Variants in PPFIA3 observed in about 807,000 individuals in gnomAD.
PPFIA3 encodes liprin-alpha-3.
Under a neutral mutation model 145.8 loss-of-function variants are expected in PPFIA3, and 26 were observed. The observed-to-expected ratio is 0.18, with a 90% CI of 0.13 to 0.25. PPFIA3 has a LOEUF of 0.25. Among genes scored for constraint, PPFIA3 ranks in the 10% least tolerant of loss-of-function variants. The pLI, the probability that PPFIA3 is intolerant of heterozygous loss-of-function variation, is 1.00. For missense variants in PPFIA3, 1,008 were observed against 1,587.8 expected (o/e 0.63, Z 6.21); for synonymous variants, 645 against 661.4 (o/e 0.98, Z 0.38).
Position 49,135,899 on chromosome 19 carries a change from A to C in PPFIA3, c.1641A>C (p.Ser547=). The C allele has an allele frequency of 6.2e-7, 1 of 1,613,022 alleles. No individual in the cohort carries two copies. The change falls in exon 14 of 30, where the codon TCA becomes TCC. Residue 547 remains serine (S), a synonymous_variant. Coordinates refer to ENST00000334186, the MANE Select transcript of PPFIA3 (RefSeq NM_003660.4). ...GGGCAGGCAAGAGGGGCCGCTGGTC[A>C]GGGGTCAAGGAGGAGCCCTCCAAGG... ...SGRAGKRGRW[S]GVKEEPSKDW...
rs2041024071 is a variant in PPFIA3, at chr19:49,128,060, C to G, written c.187C>G (p.Leu63Val). 1.3e-6 allele frequency: 2 copies of G among 1,593,886 alleles called. No homozygotes were observed. Among genetic ancestry groups the G allele is most frequent in the South Asian group, 2.2e-5 (2 of 90,778 alleles). Residue 63 changes from leucine (L) to valine (V), a missense_variant, in exon 2 of 30, where the codon CTC becomes GTC. Transcript: ENST00000334186. This position sits in a 1 kb window ranked among gnomAD's most constrained non-coding sequence, Gnocchi z 4.1. Reference protein sequence around the residue: ...LATAQLRLRELGHEKDSLQRQ... With the variant: ...LATAQLRLREVGHEKDSLQRQ... ...TACAGCGCAGCTGCGGCTGCGCGAG[C>G]TCGGCCACGAGAAGGACTCGCTGCA...
At chr19:49,147,747 TGTATA>T (rs2041298139) in intron 23 of PPFIA3, among the ~76,000 whole-genome samples, 1 of 21,524 alleles carries the variant, frequency 4.6e-5, no homozygotes, top group Non-Finnish European at 9.4e-5. Context: ...ATAAATATAA[TGTATA>T]TTTCGAATCA....
intron 1 of PPFIA3, among the ~76,000 whole-genome samples, chr19:49,122,636 T>C (rs2040949388): frequency 6.6e-6 from 1 of 152,136 alleles, no homozygotes; most frequent in African/African-American, 2.4e-5. Context: ...AGAATGCCCT[T>C]CCCTGTTTCC....
intron 18 of PPFIA3, 62 bp downstream of exon 18, chr19:49,140,150 TTTC>T: frequency 6.4e-7 from 1 of 1,554,380 alleles, no homozygotes; most frequent in Non-Finnish European, 8.8e-7. Context: ...CCTCCCTTTC[TTTC>T]TTCTTTGTAT....
rs1039959973 is a variant in PPFIA3, at chr19:49,135,195, C to A, written c.1520+280C>A. On this transcript the variant is annotated intron_variant, in intron 13 of 29. Transcript: ENST00000334186. Reference sequence around the variant, plus strand: ...TAGCTGGGACTACAGGCGTGCACCACCACAGCCGGCTAATTTTTGTAGTTT... The same window carrying A: ...TAGCTGGGACTACAGGCGTGCACCAACACAGCCGGCTAATTTTTGTAGTTT... 3.9e-5 allele frequency among the ~76,000 whole-genome samples: 6 copies of A among 152,072 alleles called. No individual in the cohort carries two copies. The South Asian group carries it at 1.2e-3, about 32-fold the overall frequency.
chr19:49,137,411 A>G (rs1002090230), intron 15 of PPFIA3, among the ~76,000 whole-genome samples: 2 of 152,012 alleles, frequency 1.3e-5, no homozygotes, highest in Non-Finnish European at 2.9e-5. Context: ...TCATGAGGTC[A>G]TGAGGTCAGG....
intron 1 of PPFIA3, among the ~76,000 whole-genome samples, chr19:49,123,436 T>G (rs1249515602): frequency 6.6e-6 from 1 of 151,902 alleles, no homozygotes; most frequent in Non-Finnish European, 1.5e-5. Context: ...TGCCTGGCCC[T>G]AATTTCACAT....
intron 14 of PPFIA3, among the ~76,000 whole-genome samples, 163 bp from the exon 15 acceptor site, chr19:49,136,561 A>G (rs773814632): frequency 1.3e-5 from 2 of 152,228 alleles, no homozygotes; most frequent in African/African-American, 2.4e-5. Context: ...CCTGGGCGAC[A>G]GAATGAGACT....
At position 49,121,548 on chromosome 19, in the gene PPFIA3, G is replaced by A. The variant is rs369106853; in HGVS notation, c.-16+1826G>A. On this transcript the variant is annotated intron_variant, in intron 1 of 29. Transcript: ENST00000334186. ...TCCCAGCACTTTGGGAGGCTGAAGC[G>A]GGCGGATCACCTGAGGTCAGGATTT... Among the ~76,000 whole-genome samples, 22 of 152,082 alleles carry A rather than the reference G, an allele frequency of 1.4e-4. No individual in the cohort carries two copies. In the East Asian group the frequency reaches 3.3e-3, roughly 23 times the overall value.
In PPFIA3 at chr19:49,133,737, G is replaced by C. The variant is rs556045107; in HGVS notation, c.1162-59G>C. 7.1e-6 allele frequency: 11 copies of C among 1,551,466 alleles called. No individual in the cohort carries two copies. In the South Asian group the frequency reaches 1.1e-4, roughly 16 times the overall value. On this transcript the variant is annotated intron_variant, in intron 9 of 29. Transcript: ENST00000334186. This position sits in a 1 kb window ranked among gnomAD's most constrained non-coding sequence, Gnocchi z 7.2. ...GGCGCTCAGCCTTGGAGGAGGTGGG[G>C]CTGGGAGCCTGACTGATCCTGGAAG...
intron 1 of PPFIA3, among the ~76,000 whole-genome samples, chr19:49,122,121 C>T (rs147910156): frequency 4.1e-4 from 56 of 137,426 alleles, no homozygotes; most frequent in African/African-American, 1.5e-3. Context: ...ACTCTTGTTG[C>T]TCAGGCTGGA....
chr19:49,134,209 T>C (rs2041110074), intron 11 of PPFIA3, 44 bp downstream of exon 11: 1 of 1,553,548 alleles, frequency 6.4e-7, no homozygotes, highest in African/African-American at 1.4e-5. Context: ...ATTCCGGGAC[T>C]ACCTCTTGCT....
intron 16 of PPFIA3, 48 bp from the exon 17 acceptor site, chr19:49,139,620 G>A (rs369245305): frequency 1.6e-5 from 24 of 1,514,668 alleles, no homozygotes; most frequent in Middle Eastern, 1.8e-4. Flanking sequence ...AGGAGCCCCC[G>A]ACATGACTCT....
At chr19:49,147,686 A>AAGAGAGAGAGAGAGAGAG (rs143496485) in intron 23 of PPFIA3, among the ~76,000 whole-genome samples, 3 of 145,818 alleles carry the variant, frequency 2.1e-5, no homozygotes, top group African/African-American at 5.1e-5. Context: ...CTCTTTCAGA[A>AAGAGAGAGAGAGAGAGAG]AGAGAGAGAG....
rs2041274775 is a variant in PPFIA3, at chr19:49,145,952, A to G, written c.2755A>G (p.Asn919Asp). 17 of 1,613,812 alleles carry G rather than the reference A, an allele frequency of 1.1e-5. No homozygotes were observed. The highest frequency in any genetic ancestry group is 1.4e-5 in the Non-Finnish European group (17 of 1,179,822). Residue 919 changes from asparagine (N) to aspartate (D), a missense_variant, in exon 22 of 30, where the codon AAC becomes GAC. This residue lies in a region of PPFIA3 where 154 missense variants were observed against 369.2 expected (regional missense o/e 0.42). Coordinates refer to ENST00000334186, the MANE Select transcript of PPFIA3 (RefSeq NM_003660.4). ...ACTCCCTGCCCCTCAGTCCACAGGAAACGTGTGGATGACACACGAGGAGAT... is the reference window on the plus strand; with the variant it reads ...ACTCCCTGCCCCTCAGTCCACAGGAGACGTGTGGATGACACACGAGGAGAT... The part of the protein sequence containing the change: ...APASSRTSTG[N>D]VWMTHEEMES...
In PPFIA3 at chr19:49,140,090, T is replaced by C; in HGVS notation, c.2368+2T>C. 1 of 1,613,828 alleles carries C rather than the reference T, an allele frequency of 6.2e-7. No individual in the cohort carries two copies. Among genetic ancestry groups the C allele is most frequent in the African/African-American group, 1.3e-5 (1 of 75,054 alleles). ...CAGGCCGGGACAGCTCTTCTCTGGG[T>C]GAGTACCTCACTCTAACCCTTCCCT... On this transcript the variant is annotated splice_donor_variant, in intron 18 of 29. Coordinates refer to ENST00000334186, the MANE Select transcript of PPFIA3 (RefSeq NM_003660.4). LOFTEE classifies it high-confidence loss of function.
intron 7 of PPFIA3, among the ~76,000 whole-genome samples, chr19:49,132,461 G>A (rs913153515): frequency 6.7e-6 from 1 of 149,810 alleles, no homozygotes; most frequent in African/African-American, 2.5e-5. Context: ...TTTTAAGCCT[G>A]GATAGCCGCA....
At chr19:49,146,487 A>T in intron 23 of PPFIA3, 1 of 496,306 alleles carries the variant, frequency 2.0e-6, no homozygotes, top group East Asian at 3.5e-5. Context: ...GGAGAGACTG[A>T]GCAGCCGGTG....
At chr19:49,141,851 G>C (rs150177376) in intron 19 of PPFIA3, among the ~76,000 whole-genome samples, 183 bp from the exon 20 acceptor site, 120 of 151,452 alleles carry the variant, frequency 7.9e-4, no homozygotes, top group African/African-American at 2.4e-3. Context: ...ATAGGGGTTG[G>C]GGGGAGAGGA....
Sources: allele counts gnomAD v4.1 joint callset (sites outside exome capture counted in the v4.1 genomes callset), GRCh38; gene constraint gnomAD v4.1.1; regional missense constraint gnomAD v4.1.1; non-coding constraint Gnocchi (gnomAD v3.1); transcripts MANE v1.5; gene names NCBI Gene and HGNC (gene_info 2026-07-23, HGNC 2026-07-21).